AKAP19: variants seen among roughly 807,000 people sequenced by gnomAD.
AKAP19 encodes small A-kinase anchoring protein.
At chr2:190,155,107 T>C in the AKAP19 span, among the ~76,000 whole-genome samples, 1 of 152,168 alleles carries the variant, frequency 6.6e-6, no homozygotes, top group South Asian at 2.1e-4. Context: ...TCCAACTTTC[T>C]CCAGTCAAGG....
the AKAP19 span, among the ~76,000 whole-genome samples, chr2:190,181,659 C>T: frequency 6.6e-6 from 1 of 152,130 alleles, no homozygotes; most frequent in African/African-American, 2.4e-5. Flanking sequence ...GGTCTGACAC[C>T]AGCCCTTCCC....
the AKAP19 span, among the ~76,000 whole-genome samples, chr2:190,148,953 C>CTTTTTTTTTTTTTTTTTTTTT: frequency 7.5e-6 from 1 of 134,088 alleles, no homozygotes; most frequent in African/African-American, 2.8e-5. Context: ...TCTTTTCTTT[C>CTTTTTTTTTTTTTTTTTTTTT]TTTTTTTTTT....
At chr2:190,106,895 A>C in the AKAP19 span, among the ~76,000 whole-genome samples, 1 of 152,184 alleles carries the variant, frequency 6.6e-6, no homozygotes, top group Non-Finnish European at 1.5e-5. Context: ...TTAAGTGGTG[A>C]CCATCACTGA....
chr2:190,168,419 C>G, the AKAP19 span, among the ~76,000 whole-genome samples: 2 of 152,066 alleles, frequency 1.3e-5, no homozygotes, highest in African/African-American at 4.8e-5. Flanking sequence ...CCCACCCCCC[C>G]ACCGCCCTCC....
At chr2:189,970,130 G>A in the AKAP19 span, among the ~76,000 whole-genome samples, 1 of 152,070 alleles carries the variant, frequency 6.6e-6, no homozygotes, top group East Asian at 1.9e-4. Context: ...GCCTCCCAAA[G>A]TGCTGAGATT....
the AKAP19 span, among the ~76,000 whole-genome samples, chr2:189,976,656 C>G: frequency 6.6e-6 from 1 of 152,204 alleles, no homozygotes; most frequent in Non-Finnish European, 1.5e-5. Flanking sequence ...CTTTGTTTAC[C>G]TACTCAAGCC....
the AKAP19 span, among the ~76,000 whole-genome samples, chr2:190,172,136 G>A: frequency 6.6e-6 from 1 of 151,926 alleles, no homozygotes; most frequent in African/African-American, 2.4e-5. Context: ...TCATTGCCAC[G>A]CCTGTTCTTT....
At chr2:189,992,514 T>C in the AKAP19 span, among the ~76,000 whole-genome samples, 1 of 124,682 alleles carries the variant, frequency 8.0e-6, no homozygotes, top group East Asian at 2.4e-4. Flanking sequence ...GGGCTCTTTT[T>C]GGTTCCATAT....
chr2:190,016,474 C>T, the AKAP19 span, among the ~76,000 whole-genome samples: 2 of 152,180 alleles, frequency 1.3e-5, no homozygotes, highest in African/African-American at 2.4e-5. Context: ...CACCAGGTAC[C>T]TCCCTCAACA....
chr2:190,108,315 C>T, the AKAP19 span, among the ~76,000 whole-genome samples: 1 of 152,110 alleles, frequency 6.6e-6, no homozygotes, highest in Non-Finnish European at 1.5e-5. Context: ...ACCAACACGC[C>T]CGGCTAATTT....
chr2:189,952,896 C>G, the AKAP19 span, among the ~76,000 whole-genome samples: 1 of 152,098 alleles, frequency 6.6e-6, no homozygotes, highest in Non-Finnish European at 1.5e-5. Flanking sequence ...TTCAGTTACA[C>G]TCATTTAGGA....
the AKAP19 span, among the ~76,000 whole-genome samples, chr2:189,927,885 G>A: frequency 5.3e-5 from 8 of 152,138 alleles, no homozygotes; most frequent in African/African-American, 1.7e-4. Flanking sequence ...TTGTATTGGA[G>A]AGCATAGATA....
At chr2:190,095,502 G>A in the AKAP19 span, 3 of 152,194 alleles carry the variant, frequency 2.0e-5, no homozygotes, top group East Asian at 5.8e-4. Context: ...TCTACCATGT[G>A]TGAACACAAT....
chr2:190,057,081 G>A, the AKAP19 span: 4 of 635,972 alleles, frequency 6.3e-6, no homozygotes, highest in Admixed American at 3.1e-5. Flanking sequence ...TTGTTTGGAT[G>A]GTTAAATGCC....
At chr2:189,950,584 G>T in the AKAP19 span, among the ~76,000 whole-genome samples, 1 of 152,016 alleles carries the variant, frequency 6.6e-6, no homozygotes, top group African/African-American at 2.4e-5. Flanking sequence ...GACCACCAAA[G>T]AGCAACAATT....
At chr2:190,008,759 CA>C in the AKAP19 span, among the ~76,000 whole-genome samples, 5 of 119,664 alleles carry the variant, frequency 4.2e-5, no homozygotes, top group African/African-American at 1.3e-4. Context: ...CACACACACA[CA>C]CACACACACA....
the AKAP19 span, among the ~76,000 whole-genome samples, chr2:190,191,545 G>A: frequency 6.6e-6 from 1 of 152,134 alleles, no homozygotes. Context: ...CCAACTTTGT[G>A]AGAAACTGCC....
the AKAP19 span, among the ~76,000 whole-genome samples, chr2:190,096,497 T>A: frequency 1.3e-5 from 2 of 152,206 alleles, no homozygotes; most frequent in Admixed American, 6.5e-5. Flanking sequence ...GTATGAAGCC[T>A]AGGTCATATA....
chr2:190,074,196 C>G, the AKAP19 span, among the ~76,000 whole-genome samples: 1 of 152,092 alleles, frequency 6.6e-6, no homozygotes, highest in Non-Finnish European at 1.5e-5. Context: ...ATGCAACGTA[C>G]TTTCCAATTC....
Sources: allele counts gnomAD v4.1 joint callset (sites outside exome capture counted in the v4.1 genomes callset), GRCh38; gene constraint gnomAD v4.1.1; transcripts MANE v1.5; gene names NCBI Gene and HGNC (gene_info 2026-07-23, HGNC 2026-07-21).